GRAMD1B: variants seen among roughly 807,000 people sequenced by gnomAD.
The protein encoded by GRAMD1B is GRAM domain containing 1B, also known as protein Aster-B.
In GRAMD1B, 37 loss-of-function variants were observed where a neutral mutation model predicts 99.7. The ratio of observed to expected loss-of-function variants is 0.37; its 90% CI spans 0.29 to 0.49. The LOEUF is 0.49. GRAMD1B is among the 20% of genes least tolerant of loss of function. The pLI, the probability that GRAMD1B is intolerant of heterozygous loss-of-function variation, is 0.98. For synonymous variants in GRAMD1B, 427 were observed against 387.6 expected (o/e 1.10, Z -1.19); for missense variants, 888 against 1,009.2 (o/e 0.88, Z 1.63).
chr11:123,527,414 G>A (rs892170651), intron 2 of GRAMD1B, among the ~76,000 whole-genome samples: 2 of 152,212 alleles, frequency 1.3e-5, no homozygotes, highest in Non-Finnish European at 2.9e-5. Context: ...GGCAAAGGGA[G>A]GTGCTTAGTT....
At chr11:123,375,954 T>C (rs1946678768) in intron 1 of GRAMD1B, among the ~76,000 whole-genome samples, 2 of 152,186 alleles carry the variant, frequency 1.3e-5, no homozygotes, top group Admixed American at 6.5e-5. Context: ...TTTTTTTTTT[T>C]CCAGAGTTGT....
intron 1 of GRAMD1B, among the ~76,000 whole-genome samples, chr11:123,393,736 G>T (rs1947358407): frequency 6.6e-6 from 1 of 152,096 alleles, no homozygotes. Flanking sequence ...TGTTGTCTTT[G>T]TAATCCCCTG....
At chr11:123,480,564 G>A (rs890818260) in intron 1 of GRAMD1B, among the ~76,000 whole-genome samples, 6 of 152,138 alleles carry the variant, frequency 3.9e-5, no homozygotes, top group South Asian at 2.1e-4. Flanking sequence ...TGTGGTAGCA[G>A]GGCGAGATGG....
chr11:123,484,188 C>T (rs1951763102), intron 2 of GRAMD1B, among the ~76,000 whole-genome samples: 3 of 152,164 alleles, frequency 2.0e-5, no homozygotes, highest in African/African-American at 2.4e-5. Context: ...CGTTTCTGAG[C>T]GTGATGTCTT....
chr11:123,610,643 A>C lies in GRAMD1B; in HGVS notation c.1919+305A>C, dbSNP rs961660538. 6.6e-6 allele frequency among the ~76,000 whole-genome samples: 1 copy of C among 152,234 alleles called. No individual in the cohort carries two copies. The highest frequency in any genetic ancestry group is 6.5e-5 in the Admixed American group (1 of 15,282). On this transcript the variant is annotated intron_variant, in intron 14 of 19. Coordinates refer to ENST00000635736, the MANE Select transcript of GRAMD1B (RefSeq NM_001387025.1). The surrounding 1 kb of genome is among the most constrained non-coding windows in gnomAD (Gnocchi z 4.1). ...CTGGAGTCTTTAGAACGACTCAAAG[A>C]GGTGGATTTATCTTCATTTTTCAGA... is the stretch of plus-strand genomic sequence containing the variant.
At chr11:123,480,754 A>T (rs1951552024) in intron 1 of GRAMD1B, 62 bp from the exon 2 acceptor site, 4 of 397,876 alleles carry the variant, frequency 1.0e-5, no homozygotes, top group African/African-American at 2.1e-5. Context: ...AGTCTAAGTG[A>T]CCTCCCCCAG....
At chr11:123,578,831 T>G (rs550385129) in intron 3 of GRAMD1B, among the ~76,000 whole-genome samples, 41 of 152,298 alleles carry the variant, frequency 2.7e-4, no homozygotes, top group Non-Finnish European at 5.3e-4. Context: ...TGGTTGATTC[T>G]GGATTGCCCA....
chr11:123,430,918 C>G lies in GRAMD1B; in HGVS notation c.126C>G (p.Arg42=), dbSNP rs1305780490. Residue 42 remains arginine (R), a synonymous_variant, in exon 1 of 20, where the codon CGC becomes CGG. Coordinates refer to ENST00000635736, the MANE Select transcript of GRAMD1B (RefSeq NM_001387025.1). ...SSSTPTLRRR[R]FKMRRMKNVQ... ...CGACCCCCACGCTTCGCCGCCGGCG[C>G]TTCAAGATGCGCCGCATGAAGAACG... The G allele has an allele frequency of 1.4e-6, 1 of 702,630 alleles. No individual in the cohort carries two copies. The highest frequency in any genetic ancestry group is 2.7e-5 in the East Asian group (1 of 37,268). 43.5% of individuals were successfully genotyped at this position (702,630 alleles called of 1,614,324 possible).
rs1430397643 is a variant in GRAMD1B at position 123,591,623 on chromosome 11, C to T, written c.685-2459C>T. On this transcript the variant is annotated intron_variant, in intron 4 of 19. Coordinates refer to ENST00000635736, the MANE Select transcript of GRAMD1B (RefSeq NM_001387025.1). This position sits in a 1 kb window ranked among gnomAD's most constrained non-coding sequence, Gnocchi z 4.7. ...GCCACTTGGCTCTCCTACCCGAAGG[C>T]CCCAGATTTGACAATCTTGGAACCG... 2.5e-6 allele frequency: 1 copy of T among 397,532 alleles called. No homozygotes were observed. Among genetic ancestry groups the T allele is most frequent in the African/African-American group, 2.1e-5 (1 of 48,626 alleles). The allele number at this position is 397,532 out of a possible 1,614,324, so 24.6% of individuals were successfully genotyped here. A position where few individuals can be genotyped will look rare whatever the true frequency, so the allele number is the denominator to read the frequency against.
At chr11:123,445,500 A>T (rs1337389126) in intron 1 of GRAMD1B, among the ~76,000 whole-genome samples, 1 of 151,966 alleles carries the variant, frequency 6.6e-6, no homozygotes, top group Non-Finnish European at 1.5e-5. Context: ...CATCTTCCTG[A>T]TCAGAAAATA....
chr11:123,414,722 G>T (rs1377676526), intron 1 of GRAMD1B, among the ~76,000 whole-genome samples: 1 of 152,106 alleles, frequency 6.6e-6, no homozygotes, highest in East Asian at 1.9e-4. Context: ...GAAAGATTTT[G>T]CTGTGTTTTG....
chr11:123,535,240 TAA>T (rs147220672), intron 2 of GRAMD1B, among the ~76,000 whole-genome samples: 194 of 147,290 alleles, frequency 1.3e-3, no homozygotes, highest in African/African-American at 4.3e-3. Context: ...GCTTTCCATT[TAA>T]AAAAAAAAAA....
rs138811452 is a variant in GRAMD1B, at chr11:123,601,277, T to A, written c.1050+729T>A. On this transcript the variant is annotated intron_variant, in intron 8 of 19. Coordinates refer to ENST00000635736, the MANE Select transcript of GRAMD1B (RefSeq NM_001387025.1). ...AGCCACCACGAATTGACTAGTTGAG[T>A]GTTTAAATGAAACTATGAAGAGACA... Among the ~76,000 whole-genome samples the A allele has an allele frequency of 3.5e-3, 525 of 152,084 alleles. 5 individuals are homozygous for A. The highest frequency in any genetic ancestry group is 0.012 in the African/African-American group (508 of 41,470).
chr11:123,519,687 A>C (rs1276611154), intron 2 of GRAMD1B, among the ~76,000 whole-genome samples: 1 of 152,212 alleles, frequency 6.6e-6, no homozygotes, highest in Non-Finnish European at 1.5e-5. Flanking sequence ...TGGAGCAAAG[A>C]GGGGCACATA....
rs923229467 is a variant in GRAMD1B, at chr11:123,510,386, C to G, written c.452+29493C>G. 6.6e-6 allele frequency among the ~76,000 whole-genome samples: 1 copy of G among 152,134 alleles called. No individual in the cohort carries two copies. Among genetic ancestry groups the G allele is most frequent in the Non-Finnish European group, 1.5e-5 (1 of 68,020 alleles). On this transcript the variant is annotated intron_variant, in intron 2 of 19. Coordinates refer to ENST00000635736, the MANE Select transcript of GRAMD1B (RefSeq NM_001387025.1). The surrounding 1 kb of genome is among the most constrained non-coding windows in gnomAD (Gnocchi z 4.3). ...AGCCTGGGAAGACCCACACTTCGCT[C>G]CTGGGAAGAAGTACCAGGCCAGGGG...
At chr11:123,468,857 A>G (rs1950843739) in intron 1 of GRAMD1B, among the ~76,000 whole-genome samples, 1 of 151,096 alleles carries the variant, frequency 6.6e-6, no homozygotes, top group African/African-American at 2.4e-5. Context: ...GGTGGTGGTC[A>G]CCAAGGAAGA....
intron 1 of GRAMD1B, among the ~76,000 whole-genome samples, chr11:123,388,953 G>A (rs1445599311): frequency 1.3e-5 from 2 of 152,120 alleles, no homozygotes; most frequent in African/African-American, 4.8e-5. Context: ...CGGGGATCAA[G>A]GTCAACATCA....
At chr11:123,565,524 A>G (rs1290806) in intron 2 of GRAMD1B, among the ~76,000 whole-genome samples, 5,179 of 152,330 alleles carry the variant, frequency 0.034, 137 homozygotes, top group Non-Finnish European at 0.05. Context: ...AGGTTAGGTT[A>G]ATTTCTAAAG....
intron 1 of GRAMD1B, among the ~76,000 whole-genome samples, chr11:123,469,799 C>CCTTCCTTCCTTCCTTCCTTCCTTCCTTG (rs1950915549): frequency 6.8e-6 from 1 of 147,936 alleles, no homozygotes; most frequent in African/African-American, 2.5e-5. Context: ...TTCCTTCCTT[C>CCTTCCTTCCTTCCTTCCTTCCTTCCTTG]CTTCCTTCCT....
Sources: allele counts gnomAD v4.1 joint callset (sites outside exome capture counted in the v4.1 genomes callset), GRCh38; gene constraint gnomAD v4.1.1; non-coding constraint Gnocchi (gnomAD v3.1); transcripts MANE v1.5; gene names NCBI Gene and HGNC (gene_info 2026-07-23, HGNC 2026-07-21).